Variants in CNTNAP2 observed in about 807,000 individuals in gnomAD.
CNTNAP2 encodes the protein contactin associated protein 2.
A neutral mutation model predicts 155.2 loss-of-function variants in CNTNAP2; 98 were observed. That is an observed-to-expected ratio of 0.63 (90% confidence interval 0.54 to 0.75). The LOEUF (loss-of-function observed/expected upper bound fraction) is 0.75. Ranked by LOEUF, CNTNAP2 falls within the 30% of genes least tolerant of loss-of-function variation. The pLI is 0.00. For missense variants in CNTNAP2, 1,727 were observed against 1,688.1 expected (o/e 1.02, Z -0.40); for synonymous variants, 651 against 631.2 (o/e 1.03, Z -0.47).
chr7:148,169,501 G>T (rs548304738), intron 17 of CNTNAP2, among the ~76,000 whole-genome samples: 2 of 152,266 alleles, frequency 1.3e-5, no homozygotes, highest in South Asian at 2.1e-4. Flanking sequence ...AGTGTGCAAA[G>T]GTTTTCATAA....
At chr7:148,245,428 T>C (rs1796243190) in intron 20 of CNTNAP2, among the ~76,000 whole-genome samples, 1 of 152,174 alleles carries the variant, frequency 6.6e-6, no homozygotes, top group African/African-American at 2.4e-5. Flanking sequence ...TAGATGCTGA[T>C]GTGGAGGAGG....
chr7:148,388,522 ATTTTC>A (rs1268941875), intron 22 of CNTNAP2, among the ~76,000 whole-genome samples: 2 of 151,856 alleles, frequency 1.3e-5, no homozygotes, highest in African/African-American at 4.8e-5. Flanking sequence ...TATGTGCCAC[ATTTTC>A]TTAATCCAGT....
chr7:147,219,603 G>A (rs1320339684), intron 8 of CNTNAP2, among the ~76,000 whole-genome samples: 1 of 152,162 alleles, frequency 6.6e-6, no homozygotes, highest in African/African-American at 2.4e-5. Context: ...AGGTGGGTCT[G>A]CCTCTCTCAG....
intron 1 of CNTNAP2, among the ~76,000 whole-genome samples, chr7:146,658,060 T>G (rs952006670): frequency 6.6e-6 from 1 of 152,148 alleles, no homozygotes; most frequent in African/African-American, 2.4e-5. Context: ...AGTGAGAAAC[T>G]AGTGAAACTA....
At chr7:147,083,077 A>T (rs977285394) in intron 4 of CNTNAP2, 1 of 152,126 alleles carries the variant, frequency 6.6e-6, no homozygotes, top group African/African-American at 2.4e-5. Flanking sequence ...TGTTTCATCC[A>T]AGTAGCGGCA....
At chr7:147,036,026 G>C (rs1476338338) in intron 3 of CNTNAP2, among the ~76,000 whole-genome samples, 1 of 152,152 alleles carries the variant, frequency 6.6e-6, no homozygotes, top group Non-Finnish European at 1.5e-5. Flanking sequence ...TCTTAGACTT[G>C]TGCATCCTGT....
chr7:147,355,366 G>A (rs1463648251), intron 9 of CNTNAP2, among the ~76,000 whole-genome samples: 12 of 151,774 alleles, frequency 7.9e-5, no homozygotes, highest in Non-Finnish European at 1.0e-4. Context: ...GTATCCTAAC[G>A]TTACAATTTA....
chr7:148,001,519 G>A (rs1238503731), intron 15 of CNTNAP2, among the ~76,000 whole-genome samples: 1 of 152,160 alleles, frequency 6.6e-6, no homozygotes, highest in Non-Finnish European at 1.5e-5. Context: ...CGACTTGGTG[G>A]TTAATGTCAC....
chr7:146,600,596 A>C (rs1317784933), intron 1 of CNTNAP2, among the ~76,000 whole-genome samples: 1 of 152,028 alleles, frequency 6.6e-6, no homozygotes, highest in Non-Finnish European at 1.5e-5. Context: ...GGGTGTGTAC[A>C]CGTTTACATA....
At chr7:147,482,850 A>G (rs1272720783) in intron 10 of CNTNAP2, among the ~76,000 whole-genome samples, 1 of 152,076 alleles carries the variant, frequency 6.6e-6, no homozygotes, top group Non-Finnish European at 1.5e-5. Context: ...GTTCGGCACC[A>G]GCCTGACCAA....
chr7:147,316,893 G>T (rs1233886578), intron 9 of CNTNAP2, among the ~76,000 whole-genome samples: 1 of 152,138 alleles, frequency 6.6e-6, no homozygotes, highest in Non-Finnish European at 1.5e-5. Flanking sequence ...TAATGACATA[G>T]TCTTATTGCA....
intron 13 of CNTNAP2, among the ~76,000 whole-genome samples, chr7:147,654,867 G>A (rs1292329819): frequency 2.9e-5 from 4 of 136,508 alleles, no homozygotes; most frequent in Non-Finnish European, 6.1e-5. Context: ...AGGCTGGAGT[G>A]CAGTGGTGTG....
intron 1 of CNTNAP2, among the ~76,000 whole-genome samples, chr7:146,172,972 G>A (rs555638070): frequency 1.3e-5 from 2 of 152,202 alleles, no homozygotes; most frequent in South Asian, 2.1e-4. Flanking sequence ...CTGCAGCTGT[G>A]TGTGTGTTTT....
intron 1 of CNTNAP2, among the ~76,000 whole-genome samples, chr7:146,215,903 G>A (rs909883386): frequency 1.3e-5 from 2 of 152,134 alleles, no homozygotes; most frequent in African/African-American, 4.8e-5. Context: ...GCCTTAGGTT[G>A]AGTTCTTCTT....
At chr7:147,966,998 T>C (rs17170759) in intron 14 of CNTNAP2, among the ~76,000 whole-genome samples, 2,492 of 152,066 alleles carry the variant, frequency 0.016, 84 homozygotes, top group African/African-American at 0.056. Context: ...TTTAAAAGAA[T>C]ACTGGGCCAT....
rs1797393901 is a variant in CNTNAP2 at position 146,506,987 on chromosome 7, C to G, written c.98-267284C>G. On this transcript the variant is annotated intron_variant, in intron 1 of 23. Coordinates refer to ENST00000361727, the MANE Select transcript of CNTNAP2 (RefSeq NM_014141.6). ...CCCATGGCCTTATCTTGCATCAGGA[C>G]TACAGGTCCCAAGACTTCTTATAAT... Among the ~76,000 whole-genome samples the G allele has an allele frequency of 2.0e-5, 3 of 152,254 alleles. No homozygotes were observed. In the South Asian group the frequency reaches 6.2e-4, roughly 32 times the overall value.
At chr7:146,374,615 G>A (rs1163897509) in intron 1 of CNTNAP2, among the ~76,000 whole-genome samples, 1 of 152,172 alleles carries the variant, frequency 6.6e-6, no homozygotes, top group African/African-American at 2.4e-5. Flanking sequence ...CACTGACAAT[G>A]AAAGCAAATC....
rs572799711 is a variant in CNTNAP2 at position 147,738,005 on chromosome 7, G to A, written c.2098+98699G>A. 1.2e-4 allele frequency among the ~76,000 whole-genome samples: 19 copies of A among 152,230 alleles called. No individual in the cohort carries two copies. In the South Asian group the frequency reaches 2.9e-3, roughly 23 times the overall value. ...CCTTGCCCTGCTTCGGCTCATGCTC[G>A]GTGCCCTGCACCCACTGTCCTGCAC... On this transcript the variant is annotated intron_variant, in intron 13 of 23. Transcript: ENST00000361727.
chr7:147,731,587 T>C (rs1584925331), intron 13 of CNTNAP2, among the ~76,000 whole-genome samples: 1 of 152,136 alleles, frequency 6.6e-6, no homozygotes, highest in East Asian at 1.9e-4. Context: ...AGATTAATGT[T>C]GTTTTCATGC....
Sources: gnomAD v4.1 joint callset for allele counts (sites outside exome capture counted in the v4.1 genomes callset) on GRCh38, gnomAD v4.1.1 for gene constraint, MANE v1.5 for transcripts, NCBI Gene and HGNC (gene_info 2026-07-23, HGNC 2026-07-21) for gene names.